Variants in PRIMA1 observed in about 807,000 individuals in gnomAD.
PRIMA1 encodes the protein proline rich membrane anchor 1, also known as proline-rich membrane anchor 1.
In PRIMA1, 7 loss-of-function variants were observed where a neutral mutation model predicts 17.5. That is an observed-to-expected ratio of 0.40 (90% CI 0.23 to 0.75). The LOEUF (loss-of-function observed/expected upper bound fraction) is 0.75. Ranked by LOEUF, PRIMA1 falls within the 30% of genes least tolerant of loss-of-function variation. PRIMA1 has a pLI of 0.37. For synonymous variants in PRIMA1, 97 were observed against 77.9 expected (o/e 1.25, Z -1.29); for missense variants, 200 against 201.8 (o/e 0.99, Z 0.05).
chr14:93,735,162 A>G (rs1324994722), intron 4 of PRIMA1, among the ~76,000 whole-genome samples: 1 of 152,070 alleles, frequency 6.6e-6, no homozygotes, highest in Non-Finnish European at 1.5e-5. Flanking sequence ...CTCCCAGGGG[A>G]AGTGGGGCGT....
At chr14:93,777,866 A>T (rs1005400561) in intron 3 of PRIMA1, among the ~76,000 whole-genome samples, 1 of 152,192 alleles carries the variant, frequency 6.6e-6, no homozygotes, top group Non-Finnish European at 1.5e-5. Context: ...GAAGACCTGA[A>T]GGGATGCTAG....
chr14:93,750,238 T>A (rs2076251940), intron 3 of PRIMA1, among the ~76,000 whole-genome samples: 2 of 151,808 alleles, frequency 1.3e-5, no homozygotes, highest in Admixed American at 6.6e-5. Context: ...CGACAAAAAA[T>A]TTTAAAATTA....
At chr14:93,787,599 A>T (rs1346690719) in intron 2 of PRIMA1, 27 bp downstream of exon 2, 3 of 1,538,818 alleles carry the variant, frequency 1.9e-6, no homozygotes, top group South Asian at 1.2e-5. Flanking sequence ...AGGCCCTCCC[A>T]GCCAGTGCGC....
chr14:93,779,391 C>A, intron 2 of PRIMA1, 80 bp from the exon 3 acceptor site: 1 of 1,235,662 alleles, frequency 8.1e-7, no homozygotes, highest in South Asian at 1.5e-5. Flanking sequence ...CAGGCCACCC[C>A]GTCCCCTGCC....
At position 93,733,396 on chromosome 14, in the gene PRIMA1, C is replaced by T. The variant is rs138150776; in HGVS notation, c.359+3845G>A. On this transcript the variant is annotated intron_variant, in intron 4 of 4. Transcript: ENST00000393140. ...ACTCTTCCTCCTGCCAAGGTCCAGC[C>T]CCCTTTCAGCCAGGCCTTGGACACA... is the stretch of plus-strand genomic sequence containing the variant. Among the ~76,000 whole-genome samples the T allele has an allele frequency of 5.3e-4, 80 of 152,314 alleles. No homozygotes were observed. The East Asian group carries it at 8.9e-3, about 17-fold the overall frequency.
chr14:93,727,308 C>G (rs1010908628), intron 4 of PRIMA1, among the ~76,000 whole-genome samples: 1 of 152,204 alleles, frequency 6.6e-6, no homozygotes, highest in Non-Finnish European at 1.5e-5. Flanking sequence ...TTCTCACAGG[C>G]GTGACTCTCT....
At chr14:93,732,912 C>T (rs1325696571) in intron 4 of PRIMA1, among the ~76,000 whole-genome samples, 1 of 152,194 alleles carries the variant, frequency 6.6e-6, no homozygotes, top group East Asian at 1.9e-4. Flanking sequence ...GTCCTGCTGT[C>T]AGAAACATGT....
rs368267446 is a variant in PRIMA1, at chr14:93,774,523, A to G, written c.229+4653T>C. Among the ~76,000 whole-genome samples, 108 of 152,286 alleles carry G rather than the reference A, an allele frequency of 7.1e-4. 1 individual carries two copies. The South Asian group carries it at 0.022, about 30-fold the overall frequency. ...CAAAGCTCAACACACCTGTGGATCA[A>G]TGTCACTTCAGCAGGGAGCCTCCTG... On this transcript the variant is annotated intron_variant, in intron 3 of 4. Coordinates refer to ENST00000393140, the MANE Select transcript of PRIMA1 (RefSeq NM_178013.4).
At position 93,726,053 on chromosome 14, in the gene PRIMA1, A is replaced by G. The variant is rs1426700430; in HGVS notation, c.360-4507T>C. The stretch of plus-strand genomic sequence containing the variant: ...AGTGAGACTTTCCTTGGCGGCACCC[A>G]GGATTCCTGCTTGTAGGAGGGTGGG... On this transcript the variant is annotated intron_variant, in intron 4 of 4. Transcript: ENST00000393140. This position sits in a 1 kb window ranked among gnomAD's most constrained non-coding sequence, Gnocchi z 4.2. 1 of 456,554 alleles carries G rather than the reference A, an allele frequency of 2.2e-6. No homozygotes were observed. The highest frequency in any genetic ancestry group is 4.4e-6 in the Non-Finnish European group (1 of 226,890). The allele number at this position is 456,554 out of a possible 1,614,324, so 28.3% of individuals were successfully genotyped here. A position where few individuals can be genotyped will look rare whatever the true frequency, so the allele number is the denominator to read the frequency against.
In PRIMA1 at chr14:93,726,015, C is replaced by G; in HGVS notation, c.360-4469G>C. 1 of 456,558 alleles carries G rather than the reference C, an allele frequency of 2.2e-6. No homozygotes were observed. Among genetic ancestry groups the G allele is most frequent in the South Asian group, 1.5e-5 (1 of 64,556 alleles). The allele number at this position is 456,558 out of a possible 1,614,324, so 28.3% of individuals were successfully genotyped here. On this transcript the variant is annotated intron_variant, in intron 4 of 4. Transcript: ENST00000393140. This position sits in a 1 kb window ranked among gnomAD's most constrained non-coding sequence, Gnocchi z 4.2. ...CCTAGATGGCATGGTTCCTAGAAAC[C>G]AAGAGAGAGGTTAGTGAGACTTTCC...
At chr14:93,768,593 C>T (rs1344446442) in intron 3 of PRIMA1, among the ~76,000 whole-genome samples, 1 of 152,174 alleles carries the variant, frequency 6.6e-6, no homozygotes, top group Non-Finnish European at 1.5e-5. Flanking sequence ...ATGTTGAATT[C>T]ACCTTTGTAG....
chr14:93,776,765 C>T (rs990602199), intron 3 of PRIMA1, among the ~76,000 whole-genome samples: 5 of 152,188 alleles, frequency 3.3e-5, no homozygotes, highest in South Asian at 2.1e-4. Flanking sequence ...ACTTAAGCTC[C>T]TTTTGATTCA....
At chr14:93,757,074 C>T (rs1485823048) in intron 3 of PRIMA1, among the ~76,000 whole-genome samples, 1 of 152,176 alleles carries the variant, frequency 6.6e-6, no homozygotes, top group Non-Finnish European at 1.5e-5. Flanking sequence ...TTGGGTCACT[C>T]AAGTCTAAAC....
At chr14:93,723,693 G>A (rs1044925920) in intron 4 of PRIMA1, among the ~76,000 whole-genome samples, 8 of 152,024 alleles carry the variant, frequency 5.3e-5, no homozygotes, top group Admixed American at 2.6e-4. Flanking sequence ...AGCACTCTCC[G>A]TCACAGAGAT....
intron 3 of PRIMA1, among the ~76,000 whole-genome samples, chr14:93,776,159 A>G (rs1385553986): frequency 6.6e-6 from 1 of 152,244 alleles, no homozygotes; most frequent in Non-Finnish European, 1.5e-5. Flanking sequence ...ACAGAGCCAG[A>G]GACAGAAATC....
intron 2 of PRIMA1, among the ~76,000 whole-genome samples, chr14:93,784,895 C>T (rs1025379788): frequency 1.3e-5 from 2 of 152,130 alleles, no homozygotes; most frequent in African/African-American, 4.8e-5. Flanking sequence ...TAACAAAGGG[C>T]CTGGCATACA....
At chr14:93,771,648 T>C (rs1345691072) in intron 3 of PRIMA1, among the ~76,000 whole-genome samples, 2 of 152,180 alleles carry the variant, frequency 1.3e-5, no homozygotes, top group Admixed American at 6.5e-5. Flanking sequence ...TTTGGAGTAG[T>C]TCGTTCTGCA....
At chr14:93,758,565 C>A (rs1185894658) in intron 3 of PRIMA1, among the ~76,000 whole-genome samples, 2 of 141,226 alleles carry the variant, frequency 1.4e-5, no homozygotes, top group Non-Finnish European at 1.5e-5. Flanking sequence ...CACCACTGCA[C>A]TCCAGCGTGG....
At position 93,780,741 on chromosome 14, in the gene PRIMA1, T is replaced by A. The variant is rs905761220; in HGVS notation, c.94-1430A>T. On this transcript the variant is annotated intron_variant, in intron 2 of 4. Coordinates refer to ENST00000393140, the MANE Select transcript of PRIMA1 (RefSeq NM_178013.4). ...AGAGCCAGCATGGGAACTGGGTAGA[T>A]GGATTAGACTGACTGCCAGTGTCCC... Among the ~76,000 whole-genome samples the A allele has an allele frequency of 2.0e-5, 3 of 152,334 alleles. No homozygotes were observed. In the East Asian group the frequency reaches 5.8e-4, roughly 29 times the overall value.
Sources: allele counts gnomAD v4.1 joint callset (sites outside exome capture counted in the v4.1 genomes callset), GRCh38; gene constraint gnomAD v4.1.1; non-coding constraint Gnocchi (gnomAD v3.1); transcripts MANE v1.5; gene names NCBI Gene and HGNC (gene_info 2026-07-23, HGNC 2026-07-21).